Variants in TECPR1 observed in about 807,000 individuals in gnomAD.
TECPR1 encodes the protein tectonin beta-propeller repeat-containing protein 1.
TECPR1 carries 122 observed loss-of-function variants against 162.4 expected under a neutral mutation model. The ratio of observed to expected loss-of-function variants is 0.75; its 90% CI spans 0.65 to 0.87. The LOEUF is 0.87. Ranked by LOEUF, TECPR1 falls within the 40% of genes least tolerant of loss-of-function variation. The pLI, the probability that TECPR1 is intolerant of heterozygous loss-of-function variation, is 0.00. For missense variants in TECPR1, 1,432 were observed against 1,618.2 expected (o/e 0.88, Z 1.97); for synonymous variants, 642 against 670.6 (o/e 0.96, Z 0.66).
At chr7:98,235,612 G>T (rs958298945) in intron 10 of TECPR1, among the ~76,000 whole-genome samples, 2 of 151,002 alleles carry the variant, frequency 1.3e-5, no homozygotes, top group Non-Finnish European at 2.9e-5. Flanking sequence ...AGGTGGGAGG[G>T]TCACTTGAGG....
intron 7 of TECPR1, 38 bp from the exon 8 acceptor site, chr7:98,240,989 A>G: frequency 6.3e-7 from 1 of 1,588,732 alleles, no homozygotes; most frequent in East Asian, 2.3e-5. Flanking sequence ...GGCCCCCATC[A>G]GCCTGGACAG....
Position 98,217,247 on chromosome 7 carries a change from G to C in TECPR1, c.*143C>G, listed in dbSNP as rs960762904. 9.7e-6 allele frequency: 6 copies of C among 617,598 alleles called. No homozygotes were observed. The highest frequency in any genetic ancestry group is 1.7e-5 in the Non-Finnish European group (6 of 353,452). The allele number at this position is 617,598 out of a possible 1,614,324, so 38.3% of individuals were successfully genotyped here. ...GGCCGTCTCAGCCAGTGCCTCTGAA[G>C]TGGCCGCAGCCTTGGGGCCAGGTTC... On this transcript the variant is annotated 3_prime_UTR_variant, in exon 26 of 26. Transcript: ENST00000447648.
intron 10 of TECPR1, among the ~76,000 whole-genome samples, chr7:98,235,778 C>T (rs1407104901): frequency 6.8e-6 from 1 of 146,644 alleles, no homozygotes; most frequent in Non-Finnish European, 1.5e-5. Flanking sequence ...TGCAGTGAGC[C>T]ATGATCACAC....
At chr7:98,228,310 T>C (rs574186223) in intron 16 of TECPR1, among the ~76,000 whole-genome samples, 194 bp from the exon 17 acceptor site, 1 of 152,172 alleles carries the variant, frequency 6.6e-6, no homozygotes, top group African/African-American at 2.4e-5. Context: ...TCCGGGACCG[T>C]GATTATTCTG....
chr7:98,240,903 A>G lies in TECPR1; in HGVS notation c.881T>C (p.Met294Thr), dbSNP rs771672085. Residue 294 changes from methionine to threonine, a missense_variant, in exon 8 of 26, where the codon ATG becomes ACG. Physicochemically the swap from Met to Thr is moderately conservative, Grantham distance 81. Coordinates refer to ENST00000447648, the MANE Select transcript of TECPR1 (RefSeq NM_015395.3). ...CACGCTGACTCCCACCGAGATGTGC[A>G]TGACCCCGTTTTCAGATCCAGGAGG... ...VEPPGSENGV[M>T]HISVGVSVVW... 3 of 1,609,546 alleles carry G rather than the reference A, an allele frequency of 1.9e-6. No individual in the cohort carries two copies. Among genetic ancestry groups the G allele is most frequent in the Non-Finnish European group, 1.7e-6 (2 of 1,179,034 alleles).
At chr7:98,244,456 C>G (rs1030322244) in intron 5 of TECPR1, 115 bp downstream of exon 5, 6 of 1,392,240 alleles carry the variant, frequency 4.3e-6, no homozygotes, top group Non-Finnish European at 5.8e-6. Flanking sequence ...GGCCAGGTCC[C>G]GAGGTGGGCG....
At chr7:98,231,616 C>A in intron 13 of TECPR1, 188 bp downstream of exon 13, 1 of 569,568 alleles carries the variant, frequency 1.8e-6, no homozygotes, top group Non-Finnish European at 2.8e-6. Flanking sequence ...ACCCCCATTT[C>A]TGTACCCCCT....
chr7:98,230,904 C>A, intron 15 of TECPR1, 57 bp downstream of exon 15: 1 of 1,561,274 alleles, frequency 6.4e-7, no homozygotes, highest in South Asian at 1.2e-5. Flanking sequence ...CCTTCTGTAA[C>A]CACGAGCTCG....
At chr7:98,238,008 G>A (rs1798643939) in intron 9 of TECPR1, among the ~76,000 whole-genome samples, 1 of 152,122 alleles carries the variant, frequency 6.6e-6, no homozygotes, top group South Asian at 2.1e-4. Context: ...CTAGGCTCAA[G>A]TGGTCCTCCC....
rs779979429 is a variant in TECPR1, at chr7:98,231,131, A to G, written c.2125-13T>C. 2 of 1,602,274 alleles carry G rather than the reference A, an allele frequency of 1.2e-6. No individual in the cohort carries two copies. Among genetic ancestry groups the G allele is most frequent in the Non-Finnish European group, 1.7e-6 (2 of 1,176,270 alleles). ...TGAGCAGGGCGAGCTGGTGTGGCAC[A>G]ATGCCGGTCACTGCTGAGCAGGCCA... On this transcript the variant is annotated splice_polypyrimidine_tract_variant and intron_variant, in intron 14 of 25. Coordinates refer to ENST00000447648, the MANE Select transcript of TECPR1 (RefSeq NM_015395.3).
intron 15 of TECPR1, among the ~76,000 whole-genome samples, chr7:98,230,431 C>T (rs1798396233): frequency 6.6e-6 from 1 of 152,104 alleles, no homozygotes; most frequent in African/African-American, 2.4e-5. Context: ...ACCAGCATTT[C>T]CCAGTGCCAA....
Position 98,231,127 on chromosome 7 carries a change from G to T in TECPR1, c.2125-9C>A, listed in dbSNP as rs1366899827. 1 of 1,601,498 alleles carries T rather than the reference G, an allele frequency of 6.2e-7. No individual in the cohort carries two copies. The highest frequency in any genetic ancestry group is 8.5e-7 in the Non-Finnish European group (1 of 1,175,850). ...AGGCTGAGCAGGGCGAGCTGGTGTG[G>T]CACAATGCCGGTCACTGCTGAGCAG... On this transcript the variant is annotated splice_polypyrimidine_tract_variant and intron_variant, in intron 14 of 25. Transcript: ENST00000447648.
chr7:98,235,699 G>A (rs1220246918), intron 10 of TECPR1, among the ~76,000 whole-genome samples: 1 of 151,224 alleles, frequency 6.6e-6, no homozygotes, highest in Non-Finnish European at 1.5e-5. Context: ...GTGTGGTGGT[G>A]AACATCTGTA....
chr7:98,224,854 G>A lies in TECPR1; in HGVS notation c.2637C>T (p.Ser879=), dbSNP rs967177613. 7 of 1,573,146 alleles carry A rather than the reference G, an allele frequency of 4.4e-6. No individual in the cohort carries two copies. The highest frequency in any genetic ancestry group is 2.4e-5 in the East Asian group (1 of 42,530). Residue 879 remains serine, a synonymous_variant, in exon 19 of 26, where the codon AGC becomes AGT. Transcript: ENST00000447648. ...AWVSDWFVDF[S]VPGGTDQEGW... ...CCTCCTGGTCCGTGCCCCCCGGAAC[G>A]CTGAAATCCACGAACCAGTCGGAAA... is the stretch of plus-strand genomic sequence containing the variant.
chr7:98,233,214 C>A, intron 11 of TECPR1: 1 of 815,972 alleles, frequency 1.2e-6, no homozygotes, highest in East Asian at 2.9e-5. Flanking sequence ...GCACTGGCCA[C>A]CGTGCTTCCA....
Position 98,241,416 on chromosome 7 carries a change from G to GTA in TECPR1, c.658-173_658-172insTA. On this transcript the variant is annotated intron_variant, in intron 6 of 25. Coordinates refer to ENST00000447648, the MANE Select transcript of TECPR1 (RefSeq NM_015395.3). The surrounding 1 kb of genome is among the most constrained non-coding windows in gnomAD (Gnocchi z 5.0). ...AACCCTGGATTCCGGTGGTCCTGAG[G>GTA]GATACACTTGTTCCATTCATCTGTT... 1 of 745,310 alleles carries GTA rather than the reference G, an allele frequency of 1.3e-6. No individual in the cohort carries two copies. The allele number at this position is 745,310 out of a possible 1,614,324, so 46.2% of individuals were successfully genotyped here. A position where few individuals can be genotyped will look rare whatever the true frequency, so the allele number is the denominator to read the frequency against.
chr7:98,246,124 G>A lies in TECPR1; in HGVS notation c.23C>T (p.Ala8Val), dbSNP rs369812073. 35 of 1,550,614 alleles carry A rather than the reference G, an allele frequency of 2.3e-5. No individual in the cohort carries two copies. Among genetic ancestry groups the A allele is most frequent in the Non-Finnish European group, 3.0e-5 (34 of 1,147,810 alleles). MPNSVLW[A>V]VDLFGRVYTL... ...GTACACTCTCCCGAAGAGGTCCACC[G>A]CCCACAGCACTGAGTTGGGCATGGC... Residue 8 changes from alanine (A) to valine (V), a missense_variant, in exon 3 of 26, where the codon GCG becomes GTG. Physicochemically the swap from Ala to Val is moderately conservative, Grantham distance 64. Transcript: ENST00000447648.
intron 17 of TECPR1, among the ~76,000 whole-genome samples, chr7:98,227,574 A>C (rs1356446817): frequency 6.6e-6 from 1 of 152,044 alleles, no homozygotes; most frequent in African/African-American, 2.4e-5. Flanking sequence ...TAACCCCAGC[A>C]CTTTGGGAGG....
Position 98,241,143 on chromosome 7 carries a change from G to T in TECPR1, c.759C>A (p.His253Gln). Residue 253 changes from histidine (H) to glutamine (Q), a missense_variant, in exon 7 of 26, where the codon CAC becomes CAA. Coordinates refer to ENST00000447648, the MANE Select transcript of TECPR1 (RefSeq NM_015395.3). The surrounding 1 kb of genome is among the most constrained non-coding windows in gnomAD (Gnocchi z 5.0). The part of the protein sequence containing the change: ...GEVVQISCGP[H>Q]DLLWATLWEG... ...CCCAGAGTGTGGCCCACAGGAGGTC[G>T]TGGGGCCCACAGCTGATCTGAACCA... 6.2e-7 allele frequency: 1 copy of T among 1,612,790 alleles called. No individual in the cohort carries two copies. The highest frequency in any genetic ancestry group is 8.5e-7 in the Non-Finnish European group (1 of 1,179,768).
Sources: allele counts gnomAD v4.1 joint callset (sites outside exome capture counted in the v4.1 genomes callset), GRCh38; gene constraint gnomAD v4.1.1; non-coding constraint Gnocchi (gnomAD v3.1); transcripts MANE v1.5; gene names NCBI Gene and HGNC (gene_info 2026-07-23, HGNC 2026-07-21).